NUMB: variants seen among roughly 807,000 people sequenced by gnomAD.
The protein encoded by NUMB is NUMB endocytic adaptor protein.
NUMB carries 29 observed loss-of-function variants against 59.7 expected under a neutral mutation model. The ratio of observed to expected loss-of-function variants is 0.49; its 90% CI spans 0.36 to 0.66. The LOEUF (loss-of-function observed/expected upper bound fraction) is 0.66, where lower values mean the gene tolerates loss of function less well. NUMB is among the 30% of genes least tolerant of loss of function. The pLI is 0.00. For missense variants in NUMB, 723 were observed against 822.0 expected (o/e 0.88, Z 1.47); for synonymous variants, 288 against 288.2 (o/e 1.00, Z 0.01).
At chr14:73,353,073 T>TTTTTTTTTTG (rs1893534709) in intron 4 of NUMB, among the ~76,000 whole-genome samples, 1 of 45,712 alleles carries the variant, frequency 2.2e-5, no homozygotes, top group Non-Finnish European at 3.6e-5. Context: ...GTTTTTCTTG[T>TTTTTTTTTTG]TTTTTTTTTT....
chr14:73,442,656 A>C (rs1171876881), intron 1 of NUMB, among the ~76,000 whole-genome samples: 1 of 152,220 alleles, frequency 6.6e-6, no homozygotes, highest in Non-Finnish European at 1.5e-5. Flanking sequence ...TCAGACAAAA[A>C]AATATATGTA....
At chr14:73,309,512 G>A (rs1264881899) in intron 6 of NUMB, among the ~76,000 whole-genome samples, 1 of 152,028 alleles carries the variant, frequency 6.6e-6, no homozygotes, top group Admixed American at 6.6e-5. Context: ...ATAATTGGGA[G>A]TTGAACAATG....
intron 1 of NUMB, among the ~76,000 whole-genome samples, chr14:73,439,091 CTGGGGAAAATAATTAGA>C (rs1882835220): frequency 6.6e-6 from 1 of 152,184 alleles, no homozygotes; most frequent in African/African-American, 2.4e-5. Flanking sequence ...TTAATCCAAA[CTGGGGAAAATAATTAGA>C]TGATTTAGTG....
chr14:73,282,495 T>C lies in NUMB; in HGVS notation c.960A>G (p.Val320=). The C allele has an allele frequency of 6.2e-7, 1 of 1,613,234 alleles. No homozygotes were observed. Among genetic ancestry groups the C allele is most frequent in the South Asian group, 1.1e-5 (1 of 90,942 alleles). The change falls in exon 11 of 13, where the codon GTA becomes GTG. Residue 320 remains valine, a synonymous_variant. Transcript: ENST00000555238. The part of the protein sequence containing the change: ...DFPIKNAVPE[V]EGEAESISSL... Reference sequence around the variant, plus strand: ...AGCTGATGCTCTCTGCCTCCCCTTCTACTTCTGGCACTGCAAGGCAAACAG... The same window carrying C: ...AGCTGATGCTCTCTGCCTCCCCTTCCACTTCTGGCACTGCAAGGCAAACAG...
intron 2 of NUMB, among the ~76,000 whole-genome samples, chr14:73,383,019 A>T (rs1895326604): frequency 6.6e-6 from 1 of 152,168 alleles, no homozygotes. Context: ...GGTGGCACAC[A>T]TATGTAATCC....
intron 4 of NUMB, among the ~76,000 whole-genome samples, chr14:73,331,316 T>C (rs1180089229): frequency 6.6e-6 from 1 of 151,920 alleles, no homozygotes; most frequent in African/African-American, 2.4e-5. Flanking sequence ...GAGGCCGAGG[T>C]GGGAGGATCA....
At chr14:73,334,665 T>C (rs963144505) in intron 4 of NUMB, among the ~76,000 whole-genome samples, 4 of 152,142 alleles carry the variant, frequency 2.6e-5, no homozygotes, top group East Asian at 1.9e-4. Flanking sequence ...TGTATTAGCA[T>C]AGGCTGGGTG....
chr14:73,291,086 GT>G (rs914196611), intron 8 of NUMB, among the ~76,000 whole-genome samples: 70 of 141,998 alleles, frequency 4.9e-4, no homozygotes, highest in Admixed American at 1.8e-3. Context: ...TTTGTTTTTT[GT>G]TTTTTTTTTT....
intron 4 of NUMB, among the ~76,000 whole-genome samples, chr14:73,325,239 A>G (rs1891600479): frequency 6.6e-6 from 1 of 152,118 alleles, no homozygotes; most frequent in Admixed American, 6.5e-5. Flanking sequence ...AAGCCAAGGT[A>G]AGAAGATCAT....
At chr14:73,408,206 G>A (rs1474558581) in intron 2 of NUMB, among the ~76,000 whole-genome samples, 9 of 147,396 alleles carry the variant, frequency 6.1e-5, no homozygotes, top group South Asian at 2.2e-4. Flanking sequence ...CAGCCTGGGC[G>A]ACAGAGCAAG....
chr14:73,437,736 T>C (rs188821630), intron 1 of NUMB, among the ~76,000 whole-genome samples: 1 of 152,220 alleles, frequency 6.6e-6, no homozygotes, highest in Non-Finnish European at 1.5e-5. Context: ...AAGCAGAAAG[T>C]AGCTAGGGAG....
intron 1 of NUMB, among the ~76,000 whole-genome samples, chr14:73,443,746 G>A (rs770511035): frequency 1.3e-4 from 19 of 150,514 alleles, no homozygotes; most frequent in Non-Finnish European, 1.6e-4. Flanking sequence ...TACCTACCGG[G>A]TTCAAGCAAT....
At chr14:73,344,636 C>G (rs1197910520) in intron 4 of NUMB, among the ~76,000 whole-genome samples, 1 of 152,088 alleles carries the variant, frequency 6.6e-6, no homozygotes, top group Non-Finnish European at 1.5e-5. Context: ...CTTTATATCC[C>G]TAAACCAAAG....
At chr14:73,430,266 G>C (rs1016940669) in intron 1 of NUMB, among the ~76,000 whole-genome samples, 10 of 151,990 alleles carry the variant, frequency 6.6e-5, no homozygotes, top group Non-Finnish European at 1.5e-5. Context: ...GACCATTCTG[G>C]TAAGTGTACA....
At chr14:73,279,876 G>A (rs1396254359) in intron 11 of NUMB, among the ~76,000 whole-genome samples, 1 of 152,198 alleles carries the variant, frequency 6.6e-6, no homozygotes, top group African/African-American at 2.4e-5. Context: ...TTAAAAATAG[G>A]CCAGGTGTGG....
chr14:73,445,820 T>C (rs1266025270), intron 1 of NUMB, among the ~76,000 whole-genome samples: 1 of 152,180 alleles, frequency 6.6e-6, no homozygotes, highest in Non-Finnish European at 1.5e-5. Flanking sequence ...GAGTTCATTT[T>C]ACCATACCAC....
chr14:73,340,354 A>C (rs6574117), intron 4 of NUMB, among the ~76,000 whole-genome samples: 121,870 of 152,138 alleles, frequency 0.8, 49,374 homozygotes, highest in African/African-American at 0.92. Context: ...GATGCCCAAA[A>C]ACCAACCCCA....
rs772596713 is a variant in NUMB at position 73,277,277 on chromosome 14, T to C, written c.1257A>G (p.Gln419=). The change falls in exon 13 of 13, where the codon CAA becomes CAG. Residue 419 remains glutamine (Q), a synonymous_variant. Transcript: ENST00000555238. The part of the protein sequence containing the change: ...AATCSGTEWG[Q]SSGAASPGLF... ...GACCTGGAGAGGCAGCACCAGAAGATTGACCCCACTCGGTCCCTGGAACCA... is the reference window on the plus strand; with the variant it reads ...GACCTGGAGAGGCAGCACCAGAAGACTGACCCCACTCGGTCCCTGGAACCA... The C allele has an allele frequency of 5.9e-5, 95 of 1,599,874 alleles. No individual in the cohort carries two copies. Among genetic ancestry groups the C allele is most frequent in the African/African-American group, 1.9e-4 (14 of 74,610 alleles).
intron 1 of NUMB, among the ~76,000 whole-genome samples, chr14:73,418,809 A>G (rs1033552409): frequency 1.3e-5 from 2 of 152,096 alleles, no homozygotes; most frequent in Admixed American, 1.3e-4. Context: ...ATTTTACCAC[A>G]TAAGGAAAAA....
Sources: allele counts gnomAD v4.1 joint callset (sites outside exome capture counted in the v4.1 genomes callset), GRCh38; gene constraint gnomAD v4.1.1; transcripts MANE v1.5; gene names NCBI Gene and HGNC (gene_info 2026-07-23, HGNC 2026-07-21).